The following DPYD variants were observed in gnomAD, a reference collection of about 807,000 sequenced individuals.
The protein encoded by DPYD is dihydropyrimidine dehydrogenase [NADP(+)].
A neutral mutation model predicts 116.2 loss-of-function variants in DPYD; 109 were observed. That is an observed-to-expected ratio of 0.94 (90% CI 0.80 to 1.10). The LOEUF is 1.10. Ranked by LOEUF, DPYD falls within the 50% of genes least tolerant of loss-of-function variation. DPYD has a pLI of 0.00. For missense variants in DPYD, 1,302 were observed against 1,254.5 expected (o/e 1.04, Z -0.57); for synonymous variants, 440 against 432.0 (o/e 1.02, Z -0.23).
chr1:97,574,255 GT>G, intron 10 of DPYD, among the ~76,000 whole-genome samples: 1 of 152,112 alleles, frequency 6.6e-6, no homozygotes, highest in South Asian at 2.1e-4. Flanking sequence ...AGTTTGTGAG[GT>G]TTCTGACCAT....
At chr1:97,302,809 T>C (rs1666941935) in intron 18 of DPYD, among the ~76,000 whole-genome samples, 1 of 152,066 alleles carries the variant, frequency 6.6e-6, no homozygotes, top group African/African-American at 2.4e-5. Flanking sequence ...ACATTTCTTA[T>C]TCTATTTCAT....
At chr1:97,169,523 T>TTTTTATTTTATTTTATTTTA (rs11275458) in intron 20 of DPYD, among the ~76,000 whole-genome samples, 9,368 of 142,998 alleles carry the variant, frequency 0.066, 372 homozygotes, top group African/African-American at 0.076. Flanking sequence ...ATTGGGTTAA[T>TTTTTATTTTATTTTATTTTA]TTTTATTTTA....
intron 14 of DPYD, among the ~76,000 whole-genome samples, chr1:97,426,083 G>A (rs1313933356): frequency 6.6e-6 from 1 of 151,706 alleles, no homozygotes; most frequent in Non-Finnish European, 1.5e-5. Flanking sequence ...GTTGACATTA[G>A]TGTTCATTAA....
At chr1:97,154,589 A>G (rs775147549) in intron 20 of DPYD, among the ~76,000 whole-genome samples, 9 of 151,906 alleles carry the variant, frequency 5.9e-5, no homozygotes, top group African/African-American at 1.5e-4. Context: ...ACCATTAGCC[A>G]TGTTATTAGC....
intron 11 of DPYD, among the ~76,000 whole-genome samples, chr1:97,561,861 T>C (rs1652176040): frequency 1.3e-5 from 2 of 152,208 alleles, no homozygotes; most frequent in East Asian, 3.9e-4. Context: ...TCCTCAACTA[T>C]TATAAATGTC....
At chr1:97,215,789 A>T (rs2101881016) in intron 19 of DPYD, among the ~76,000 whole-genome samples, 1 of 152,214 alleles carries the variant, frequency 6.6e-6, no homozygotes, top group East Asian at 1.9e-4. Flanking sequence ...TAAAATATAA[A>T]CGTTCCCATT....
At position 97,534,965 on chromosome 1, in the gene DPYD, C is replaced by T. The variant is rs370315541; in HGVS notation, c.1524+14595G>A. 8.2e-4 allele frequency among the ~76,000 whole-genome samples: 124 copies of T among 152,048 alleles called. 2 individuals are homozygous for T. The South Asian group carries it at 0.011, about 13-fold the overall frequency. On this transcript the variant is annotated intron_variant, in intron 12 of 22. Coordinates refer to ENST00000370192, the MANE Select transcript of DPYD (RefSeq NM_000110.4). ...ATGAAAATGATGAGGTTCAAGATAA[C>T]GTATTGGAGATTTTAAAAGTTGTTA...
chr1:97,767,074 A>C (rs1238864877), intron 3 of DPYD, among the ~76,000 whole-genome samples: 1 of 152,206 alleles, frequency 6.6e-6, no homozygotes, highest in African/African-American at 2.4e-5. Context: ...GCATGATTTC[A>C]GAATTACTAC....
intron 2 of DPYD, among the ~76,000 whole-genome samples, chr1:97,871,670 TTCTC>T (rs1486580950): frequency 6.6e-6 from 1 of 151,722 alleles, no homozygotes; most frequent in African/African-American, 2.4e-5. Flanking sequence ...TTGTGGCTGT[TTCTC>T]TCTCTCTTCT....
intron 8 of DPYD, among the ~76,000 whole-genome samples, chr1:97,661,812 A>C (rs1659273409): frequency 6.6e-6 from 1 of 151,970 alleles, no homozygotes; most frequent in Admixed American, 6.6e-5. Flanking sequence ...TTTGCTTTTT[A>C]AAACTCCCCA....
chr1:97,089,137 C>A (rs1364953746), intron 21 of DPYD, among the ~76,000 whole-genome samples: 2 of 152,196 alleles, frequency 1.3e-5, no homozygotes, highest in African/African-American at 4.8e-5. Flanking sequence ...TTACTAGAAG[C>A]AGCAGGAAGA....
At chr1:97,557,295 C>A (rs1435039091) in intron 11 of DPYD, among the ~76,000 whole-genome samples, 2 of 149,408 alleles carry the variant, frequency 1.3e-5, no homozygotes, top group Non-Finnish European at 3.0e-5. Context: ...ATTTTCTATT[C>A]CCTTTTTCTT....
chr1:97,515,709 CAAT>C lies in DPYD; in HGVS notation c.1740+14_1740+16del. On this transcript the variant is annotated intron_variant, in intron 13 of 22. Transcript: ENST00000370192. ...TATGATAGACATTTCTATATGACTT[CAAT>C]AATATTTTCTTACCTTATCAAGAGA... 7 of 1,606,096 alleles carry C rather than the reference CAAT, an allele frequency of 4.4e-6. No individual in the cohort carries two copies. The highest frequency in any genetic ancestry group is 6.0e-6 in the Non-Finnish European group (7 of 1,173,638).
chr1:97,275,274 C>T (rs1664862740), intron 18 of DPYD, among the ~76,000 whole-genome samples: 2 of 152,162 alleles, frequency 1.3e-5, no homozygotes, highest in South Asian at 4.1e-4. Flanking sequence ...AAAATGTTAT[C>T]TCTCCCACAA....
intron 2 of DPYD, among the ~76,000 whole-genome samples, chr1:97,867,972 C>T (rs1005793910): frequency 1.3e-5 from 2 of 151,500 alleles, no homozygotes; most frequent in African/African-American, 2.4e-5. Flanking sequence ...ATAGAAAACC[C>T]GAAAGCCAAC....
intron 18 of DPYD, among the ~76,000 whole-genome samples, chr1:97,255,375 C>A (rs1663381108): frequency 6.6e-6 from 1 of 152,094 alleles, no homozygotes; most frequent in Non-Finnish European, 1.5e-5. Flanking sequence ...ATCTTGTATT[C>A]CCACATGTTG....
At chr1:97,115,012 T>G (rs1210176958) in intron 20 of DPYD, among the ~76,000 whole-genome samples, 1 of 152,206 alleles carries the variant, frequency 6.6e-6, no homozygotes, top group Non-Finnish European at 1.5e-5. Context: ...GTAATCCTTT[T>G]ACCTCTTCCT....
chr1:97,693,182 T>G (rs1291888591), intron 6 of DPYD, among the ~76,000 whole-genome samples: 2 of 149,754 alleles, frequency 1.3e-5, no homozygotes, highest in African/African-American at 4.9e-5. Context: ...TCCCAGCTAC[T>G]TGGAAGGCTG....
chr1:97,274,702 A>G (rs1162387844), intron 18 of DPYD, among the ~76,000 whole-genome samples: 2 of 152,148 alleles, frequency 1.3e-5, no homozygotes, highest in Non-Finnish European at 2.9e-5. Context: ...CATTACTTTC[A>G]ATGGCAAAAC....
Sources: gnomAD v4.1 joint callset for allele counts (sites outside exome capture counted in the v4.1 genomes callset) on GRCh38, gnomAD v4.1.1 for gene constraint, MANE v1.5 for transcripts, NCBI Gene and HGNC (gene_info 2026-07-23, HGNC 2026-07-21) for gene names.